IRGM: variants seen among roughly 807,000 people sequenced by gnomAD.
IRGM encodes the protein immunity related GTPase M.
For missense variants in IRGM, 288 were observed against 219.9 expected, an observed-to-expected ratio of 1.31 and a Z score of -1.96; for synonymous variants, 98 against 80.6, an observed-to-expected ratio of 1.22 and a Z score of -1.16.
intron 3 of IRGM, among the ~76,000 whole-genome samples, chr5:150,888,053 A>G (rs1018484085): frequency 6.6e-6 from 1 of 151,994 alleles, no homozygotes; most frequent in Non-Finnish European, 1.5e-5. Context: ...TCAAGAGCAT[A>G]TCACACATAA....
At chr5:150,854,119 A>C (rs1006918284) in intron 1 of IRGM, among the ~76,000 whole-genome samples, 1 of 152,010 alleles carries the variant, frequency 6.6e-6, no homozygotes, top group Non-Finnish European at 1.5e-5. Context: ...CATGGAGGTT[A>C]CATGTGACAG....
chr5:150,847,134 G>A lies in IRGM; in HGVS notation c.-502G>A, dbSNP rs939702395. ...GCCCAACATGACAGTCTTAATGGAA[G>A]CTCGGGGGTCAAAGGCTGGTGGCTT... On this transcript the variant is annotated 5_prime_UTR_variant, in exon 1 of 2. Coordinates refer to ENST00000522154, the MANE Select transcript of IRGM (RefSeq NM_001145805.2). 1 of 152,344 alleles carries A rather than the reference G, an allele frequency of 6.6e-6. No homozygotes were observed. The highest frequency in any genetic ancestry group is 2.4e-5 in the African/African-American group (1 of 41,440). 9.4% of individuals were successfully genotyped at this position (152,344 alleles called of 1,614,324 possible). A position where few individuals can be genotyped will look rare whatever the true frequency, so the allele number is the denominator to read the frequency against.
chr5:150,879,012 C>A (rs7716903), intron 2 of IRGM, among the ~76,000 whole-genome samples: 31,789 of 152,020 alleles, frequency 0.21, 5,365 homozygotes, highest in African/African-American at 0.45. Flanking sequence ...CAAAAATACA[C>A]ACTAGGGGTT....
chr5:150,879,691 C>T (rs1754417035), intron 3 of IRGM: 1 of 152,164 alleles, frequency 6.6e-6, no homozygotes, highest in Admixed American at 6.5e-5. Context: ...ACAATGAACA[C>T]TAAGGATAGA....
At chr5:150,899,026 A>C (rs1157660329) in intron 3 of IRGM, among the ~76,000 whole-genome samples, 1 of 152,082 alleles carries the variant, frequency 6.6e-6, no homozygotes, top group South Asian at 2.1e-4. Context: ...CTGTGTCCTC[A>C]TCCAAAGGGG....
At position 150,895,834 on chromosome 5, in the gene IRGM, C is replaced by G; in HGVS notation, c.*141-4755C>G. On this transcript the variant is annotated intron_variant and NMD_transcript_variant, in intron 3 of 3. Coordinates refer to the IRGM transcript ENST00000520549. ...TTGCGGGAGAATGTCTTTCCACATT[C>G]AGTACATTCATAAGGTTTTTCCCCA... is the stretch of plus-strand genomic sequence containing the variant. 32 of 1,613,622 alleles carry G rather than the reference C, an allele frequency of 2.0e-5. No individual in the cohort carries two copies. The highest frequency in any genetic ancestry group is 2.6e-5 in the Non-Finnish European group (31 of 1,179,838).
chr5:150,898,546 TACTA>T, intron 3 of IRGM: 1 of 1,604,820 alleles, frequency 6.2e-7, no homozygotes, highest in Non-Finnish European at 8.5e-7. Flanking sequence ...CCTTGAATGA[TACTA>T]ACCCCTGTAA....
intron 3 of IRGM, chr5:150,896,571 C>A: frequency 6.2e-7 from 1 of 1,613,710 alleles, no homozygotes; most frequent in Non-Finnish European, 8.5e-7. Flanking sequence ...CTCACTCTGG[C>A]TAGATGATTT....
intron 3 of IRGM, chr5:150,896,634 C>T (rs1754795048): frequency 3.7e-6 from 6 of 1,613,550 alleles, no homozygotes; most frequent in Non-Finnish European, 5.1e-6. Flanking sequence ...CTTATAACAA[C>T]TCGGTAGGTC....
intron 3 of IRGM, chr5:150,896,585 A>G: frequency 3.1e-6 from 5 of 1,613,614 alleles, no homozygotes; most frequent in Non-Finnish European, 4.2e-6. Context: ...ATGATTTTCC[A>G]CCTCCAAAAC....
intron 3 of IRGM, among the ~76,000 whole-genome samples, chr5:150,890,027 A>G (rs1754584743): frequency 6.6e-6 from 1 of 152,042 alleles, no homozygotes; most frequent in African/African-American, 2.4e-5. Context: ...CTGACCTAAT[A>G]TAATGAATTG....
intron 3 of IRGM, among the ~76,000 whole-genome samples, chr5:150,886,747 T>C (rs1451400710): frequency 2.0e-5 from 3 of 152,060 alleles, no homozygotes; most frequent in Admixed American, 2.0e-4. Flanking sequence ...AGGGGTAACA[T>C]TCTCCTCATC....
intron 3 of IRGM, among the ~76,000 whole-genome samples, chr5:150,883,897 C>T (rs898179403): frequency 2.0e-5 from 3 of 151,806 alleles, no homozygotes; most frequent in Non-Finnish European, 4.4e-5. Context: ...ATAGGGTCAG[C>T]GTTACTCTGA....
chr5:150,868,362 T>A (rs532517938), intron 1 of IRGM, among the ~76,000 whole-genome samples: 1 of 152,352 alleles, frequency 6.6e-6, no homozygotes, highest in South Asian at 2.1e-4. Flanking sequence ...CCATGCTGTT[T>A]TAATGACTGT....
chr5:150,876,998 T>A (rs866416761), intron 1 of IRGM, among the ~76,000 whole-genome samples: 1 of 152,224 alleles, frequency 6.6e-6, no homozygotes, highest in African/African-American at 2.4e-5. Flanking sequence ...TTAAGCGTTG[T>A]TAATTTTATG....
In IRGM at chr5:150,853,970, T is replaced by C. The variant is rs138021882; in HGVS notation, c.158+5316T>C. ...ACTTCTGCCATTTTGATGTTTTCTC[T>C]TTGTCTTATAGCTTTTTTTCTCTCA... On this transcript the variant is annotated intron_variant and NMD_transcript_variant, in intron 1 of 3. Transcript: ENST00000520549. Among the ~76,000 whole-genome samples, 144 of 152,244 alleles carry C rather than the reference T, an allele frequency of 9.5e-4. 1 individual carries two copies. The highest frequency in any genetic ancestry group is 3.3e-3 in the African/African-American group (138 of 41,578).
At chr5:150,897,300 T>C (rs1401669746) in intron 3 of IRGM, 2 of 216,188 alleles carry the variant, frequency 9.3e-6, no homozygotes, top group East Asian at 1.0e-4. Flanking sequence ...ATTTATATTA[T>C]AAATCATGTG....
At chr5:150,890,947 T>C (rs2113299623) in intron 3 of IRGM, among the ~76,000 whole-genome samples, 1 of 152,186 alleles carries the variant, frequency 6.6e-6, no homozygotes, top group South Asian at 2.1e-4. Context: ...GTCAACTAGG[T>C]CAAATTGGTT....
In IRGM at chr5:150,896,521, G is replaced by A. The variant is rs552370671; in HGVS notation, c.*141-4068G>A. 3.5e-5 allele frequency: 57 copies of A among 1,613,590 alleles called. 1 individual carries two copies. The South Asian group carries it at 6.0e-4, about 17-fold the overall frequency. On this transcript the variant is annotated intron_variant and NMD_transcript_variant, in intron 3 of 3. Coordinates refer to the IRGM transcript ENST00000520549. The stretch of plus-strand genomic sequence containing the variant: ...TTTCCACACTGATTATCATCAAAAG[G>A]TATTACTCCATTGTGAATCTTCTCA...
Sources: gnomAD v4.1 joint callset for allele counts (sites outside exome capture counted in the v4.1 genomes callset) on GRCh38, gnomAD v4.1.1 for gene constraint, MANE v1.5 for transcripts, NCBI Gene and HGNC (gene_info 2026-07-23, HGNC 2026-07-21) for gene names.